Variants in DNAH7 observed in about 807,000 individuals in gnomAD.
DNAH7 encodes the protein dynein axonemal heavy chain 7, also known as axonemal beta dynein heavy chain 7.
Under a neutral mutation model 444.6 loss-of-function variants are expected in DNAH7, and 397 were observed. That is an observed-to-expected ratio of 0.89 (90% CI 0.82 to 0.97). The LOEUF is 0.97. DNAH7 is among the 50% of genes least tolerant of loss of function. DNAH7 has a pLI of 0.00. For missense variants in DNAH7, 4,902 were observed against 4,800.8 expected (o/e 1.02, Z -0.62); for synonymous variants, 1,636 against 1,624.4 (o/e 1.01, Z -0.17).
chr2:196,045,926 C>T (rs569179258), intron 5 of DNAH7, among the ~76,000 whole-genome samples: 8 of 151,892 alleles, frequency 5.3e-5, no homozygotes, highest in South Asian at 2.1e-4. Context: ...TAAATACAAA[C>T]GGGATTAAAC....
chr2:195,980,352 A>C (rs1164260950), intron 15 of DNAH7, among the ~76,000 whole-genome samples: 1 of 152,116 alleles, frequency 6.6e-6, no homozygotes, highest in African/African-American at 2.4e-5. Flanking sequence ...CCCTTCTGCC[A>C]TGACTGTAAG....
At chr2:196,049,005 A>C (rs949328635) in intron 3 of DNAH7, among the ~76,000 whole-genome samples, 3 of 152,214 alleles carry the variant, frequency 2.0e-5, no homozygotes, top group African/African-American at 7.2e-5. Context: ...GCAATGACTA[A>C]TTAGCTCAAG....
intron 21 of DNAH7, among the ~76,000 whole-genome samples, chr2:195,927,320 G>A (rs536005039): frequency 6.6e-6 from 1 of 152,170 alleles, no homozygotes; most frequent in South Asian, 2.1e-4. Flanking sequence ...AGATTTCTTA[G>A]ATTTTTCTGA....
At position 195,926,352 on chromosome 2, in the gene DNAH7, T is replaced by TA. The variant is rs571638513; in HGVS notation, c.3612+73dup. On this transcript the variant is annotated intron_variant, in intron 22 of 64. Coordinates refer to ENST00000312428, the MANE Select transcript of DNAH7 (RefSeq NM_018897.3). ...AGTGAACTGTATTTATTTTAGTTTT[T>TA]AAAATAAGTGTATTCTGGCAATAAT... The TA allele has an allele frequency of 3.3e-4, 413 of 1,250,106 alleles. 4 individuals are homozygous for TA. In the East Asian group the frequency reaches 0.011, roughly 35 times the overall value. 77.4% of individuals were successfully genotyped at this position (1,250,106 alleles called of 1,614,324 possible).
intron 1 of DNAH7, chr2:196,068,477 T>G: frequency 1.6e-6 from 1 of 606,300 alleles, no homozygotes; most frequent in Non-Finnish European, 2.7e-6. Context: ...GCGGCTAGGT[T>G]TGGTTGTTAT....
At chr2:195,873,786 A>T in intron 38 of DNAH7, 92 bp from the exon 39 acceptor site, 1 of 964,564 alleles carries the variant, frequency 1.0e-6, no homozygotes, top group South Asian at 3.2e-5. Context: ...AACTTGAAAG[A>T]TGGACAAATT....
chr2:196,034,786 A>G (rs1575070698), intron 5 of DNAH7, among the ~76,000 whole-genome samples: 1 of 152,352 alleles, frequency 6.6e-6, no homozygotes, highest in Non-Finnish European at 1.5e-5. Flanking sequence ...ACATTTGAAC[A>G]TTTATATGCC....
intron 9 of DNAH7, among the ~76,000 whole-genome samples, chr2:196,018,715 T>C (rs1559339548): frequency 6.6e-6 from 1 of 151,994 alleles, no homozygotes; most frequent in Non-Finnish European, 1.5e-5. Flanking sequence ...TACAAGAAAA[T>C]ATATAGTTAG....
rs761435157 is a variant in DNAH7, at chr2:195,853,412, C to A, written c.8712G>T (p.Leu2904Phe). 1 of 1,614,000 alleles carries A rather than the reference C, an allele frequency of 6.2e-7. No individual in the cohort carries two copies. Among genetic ancestry groups the A allele is most frequent in the Non-Finnish European group, 8.5e-7 (1 of 1,180,020 alleles). ...CGGAGGAAATGAGGATATCCCCAGT[C>A]AAGTTGATGTACAGCTGACCTAGCT... Reference protein sequence around the residue: ...ALELGQLYINLTGDILISSGV... With the variant: ...ALELGQLYINFTGDILISSGV... Residue 2904 changes from leucine to phenylalanine, a missense_variant, in exon 46 of 65, where the codon TTG (leucine) becomes TTT (phenylalanine). Transcript: ENST00000312428.
At chr2:195,798,033 T>C (rs1696246347) in intron 55 of DNAH7, among the ~76,000 whole-genome samples, 1 of 152,360 alleles carries the variant, frequency 6.6e-6, no homozygotes, top group African/African-American at 2.4e-5. Context: ...AGTTCACCTA[T>C]TTATAGTTTT....
rs373554146 is a variant in DNAH7, at chr2:195,874,537, G to A, written c.6287-843C>T. On this transcript the variant is annotated intron_variant, in intron 38 of 64. Coordinates refer to ENST00000312428, the MANE Select transcript of DNAH7 (RefSeq NM_018897.3). ...TGTGAGTATAAATGCCTGGCTTGGG[G>A]TGGTGGGGGAGAGACAAAGTGGAAC... is the stretch of plus-strand genomic sequence containing the variant. Among the ~76,000 whole-genome samples, 22 of 152,144 alleles carry A rather than the reference G, an allele frequency of 1.4e-4. No individual in the cohort carries two copies. The East Asian group carries it at 3.5e-3, about 24-fold the overall frequency.
In DNAH7 at chr2:195,953,605, T is replaced by C. The variant is rs531658482; in HGVS notation, c.3078+3656A>G. The stretch of plus-strand genomic sequence containing the variant: ...TTATCTATAAGCCCCTGACTGGGGC[T>C]GCTGCCTTTCTTTCAGAGATGCCCT... On this transcript the variant is annotated intron_variant, in intron 19 of 64. Transcript: ENST00000312428. Among the ~76,000 whole-genome samples, 12 of 152,342 alleles carry C rather than the reference T, an allele frequency of 7.9e-5. No homozygotes were observed. The East Asian group carries it at 2.3e-3, about 29-fold the overall frequency.
At chr2:195,856,674 T>A (rs1414260869) in intron 44 of DNAH7, among the ~76,000 whole-genome samples, 2 of 152,144 alleles carry the variant, frequency 1.3e-5, no homozygotes, top group Non-Finnish European at 2.9e-5. Flanking sequence ...TCTCATATAA[T>A]CACCAAAAAA....
intron 2 of DNAH7, 73 bp from the exon 3 acceptor site, chr2:196,051,322 T>C (rs1173024179): frequency 8.8e-7 from 1 of 1,134,436 alleles, no homozygotes. Context: ...GAACCAAATT[T>C]TACAGAAAGA....
intron 2 of DNAH7, 77 bp downstream of exon 2, chr2:196,057,977 C>A: frequency 1.7e-6 from 2 of 1,176,046 alleles, no homozygotes; most frequent in Non-Finnish European, 1.2e-6. Context: ...AATTCAGTAA[C>A]TTACTTTCAA....
At chr2:195,901,487 C>T (rs1416944390) in intron 27 of DNAH7, 1 of 151,920 alleles carries the variant, frequency 6.6e-6, no homozygotes, top group African/African-American at 2.4e-5. Context: ...AATTCTTTTT[C>T]GTCTAAGTGT....
intron 19 of DNAH7, among the ~76,000 whole-genome samples, chr2:195,940,625 C>T (rs1368353873): frequency 2.0e-5 from 3 of 151,796 alleles, no homozygotes; most frequent in Admixed American, 6.6e-5. Context: ...TGCAATCTAT[C>T]CATCTGACAA....
In DNAH7 at chr2:195,817,798, T is replaced by C; in HGVS notation, c.9323A>G (p.Glu3108Gly). ...TCCCAGAAGCTGATCTTGCATTCCC[T>C]CAGGGGTTATCATGAAGTTTAATAA... ...VTLLNFMITP[E>G]GMQDQLLGIV... Residue 3108 changes from glutamate (E) to glycine (G), a missense_variant, in exon 50 of 65, where the codon GAG becomes GGG. Coordinates refer to ENST00000312428, the MANE Select transcript of DNAH7 (RefSeq NM_018897.3). The C allele has an allele frequency of 6.2e-7, 1 of 1,605,992 alleles. No individual in the cohort carries two copies. Among genetic ancestry groups the C allele is most frequent in the Non-Finnish European group, 8.5e-7 (1 of 1,177,434 alleles).
chr2:195,806,810 G>A lies in DNAH7; in HGVS notation c.10106C>T (p.Pro3369Leu). ...DSLEPHHEVF[P>L]EEWEDKANEF... ...ATTTGCTTTATCTTCCCATTCTTCA[G>A]GGAAAACCTCATGGTGTGGTTCCTA... The change falls in exon 54 of 65, where the codon CCT becomes CTT. Residue 3369 changes from proline to leucine, a missense_variant. Physicochemically the swap from Pro to Leu is moderately conservative, Grantham distance 98. Coordinates refer to ENST00000312428, the MANE Select transcript of DNAH7 (RefSeq NM_018897.3). The A allele has an allele frequency of 6.2e-7, 1 of 1,613,364 alleles. No homozygotes were observed. Among genetic ancestry groups the A allele is most frequent in the Non-Finnish European group, 8.5e-7 (1 of 1,179,652 alleles).
Sources: gnomAD v4.1 joint callset for allele counts (sites outside exome capture counted in the v4.1 genomes callset) on GRCh38, gnomAD v4.1.1 for gene constraint, MANE v1.5 for transcripts, NCBI Gene and HGNC (gene_info 2026-07-23, HGNC 2026-07-21) for gene names.